The following C10orf71 variants were observed in gnomAD, a reference collection of about 807,000 sequenced individuals.
C10orf71 encodes chromosome 10 open reading frame 71, also known as cardiac-enriched FHL2-interacting protein.
For synonymous variants in C10orf71, 758 were observed against 726.3 expected, an observed-to-expected ratio of 1.04 and a Z score of -0.70; for missense variants, 1,869 against 1,804.5, an observed-to-expected ratio of 1.04 and a Z score of -0.65.
intron 1 of C10orf71, among the ~76,000 whole-genome samples, chr10:49,300,327 A>G (rs7917738): frequency 0.57 from 86,612 of 151,920 alleles, 25,097 homozygotes; most frequent in East Asian, 0.79. Flanking sequence ...TATTGTCTAA[A>G]GCTGCTTCTA....
At chr10:49,309,446 A>G (rs1848873425) in intron 1 of C10orf71, among the ~76,000 whole-genome samples, 1 of 152,212 alleles carries the variant, frequency 6.6e-6, no homozygotes, top group South Asian at 2.1e-4. Flanking sequence ...ACCAGAAACC[A>G]GATCTGCCAG....
In C10orf71 at chr10:49,326,654, C is replaced by T. The variant is rs372309995; in HGVS notation, c.4109C>T (p.Ala1370Val). Residue 1370 changes from alanine to valine, a missense_variant, in exon 3 of 3, where the codon GCC (alanine) becomes GTC (valine). Coordinates refer to ENST00000374144, the MANE Select transcript of C10orf71 (RefSeq NM_001135196.2). ...AGGCAGGGCCCTCGTGCCTCCGCGG[C>T]CCGCGCCAGGACCCAGAGTGTCCAC... ...FLRQGPRASA[A>V]RARTQSVHES... 4.4e-4 allele frequency: 687 copies of T among 1,550,356 alleles called. 2 individuals carry two copies. The African/African-American group carries it at 6.8e-3, about 15-fold the overall frequency.
At chr10:49,314,374 T>C (rs922830322) in intron 1 of C10orf71, among the ~76,000 whole-genome samples, 3 of 152,220 alleles carry the variant, frequency 2.0e-5, no homozygotes, top group Admixed American at 2.0e-4. Context: ...CCATGTGCAC[T>C]GTATCCTCCT....
chr10:49,306,688 C>A (rs1168384533), intron 1 of C10orf71, among the ~76,000 whole-genome samples: 2 of 152,196 alleles, frequency 1.3e-5, no homozygotes, highest in Non-Finnish European at 2.9e-5. Context: ...AGCACCTGTG[C>A]CAGGTGCATG....
upstream of C10orf71, among the ~76,000 whole-genome samples, chr10:49,297,339 G>T (rs1256507642): frequency 6.6e-6 from 1 of 152,204 alleles, no homozygotes; most frequent in Admixed American, 6.5e-5. Flanking sequence ...GATGACATAT[G>T]AACTGACTGT....
At chr10:49,297,331 T>C (rs1199882656), upstream of C10orf71, among the ~76,000 whole-genome samples, 1 of 152,204 alleles carries the variant, frequency 6.6e-6, no homozygotes, top group Non-Finnish European at 1.5e-5. Context: ...GTCAAACAGA[T>C]GACATATGAA....
At chr10:49,313,306 G>A (rs978618831) in intron 1 of C10orf71, among the ~76,000 whole-genome samples, 2 of 152,182 alleles carry the variant, frequency 1.3e-5, no homozygotes, top group African/African-American at 2.4e-5. Context: ...CAGGCAGAGG[G>A]AACACCATGA....
At position 49,323,930 on chromosome 10, in the gene C10orf71, G is replaced by A; in HGVS notation, c.1385G>A (p.Ser462Asn). Reference protein sequence around the residue: ...PSKHALDSADSQPAERTPSPP... With the variant: ...PSKHALDSADNQPAERTPSPP... ...AAGCACGCCCTGGATTCAGCAGACAGCCAGCCAGCAGAGCGAACCCCATCA... is the reference window on the plus strand; with the variant it reads ...AAGCACGCCCTGGATTCAGCAGACAACCAGCCAGCAGAGCGAACCCCATCA... The change falls in exon 3 of 3, where the codon AGC (serine) becomes AAC (asparagine). Residue 462 changes from serine (S) to asparagine (N), a missense_variant. Transcript: ENST00000374144. 6.2e-7 allele frequency: 1 copy of A among 1,613,498 alleles called. No homozygotes were observed. Among genetic ancestry groups the A allele is most frequent in the Non-Finnish European group, 8.5e-7 (1 of 1,179,602 alleles).
In C10orf71 at chr10:49,326,075, C is replaced by G; in HGVS notation, c.3530C>G (p.Thr1177Arg). Residue 1177 changes from threonine (T) to arginine (R), a missense_variant, in exon 3 of 3, where the codon ACA becomes AGA. Physicochemically the swap from Thr to Arg is moderately conservative, Grantham distance 71 (BLOSUM62 -1). Coordinates refer to ENST00000374144, the MANE Select transcript of C10orf71 (RefSeq NM_001135196.2). ...AAGCCACCTGCAGTCCCACCCAAAA[C>G]AGAGAAAGCCCTGCGGCGGGCAAAG... The part of the protein sequence containing the change: ...ASKPPAVPPK[T>R]EKALRRAKKL... 2 of 1,551,736 alleles carry G rather than the reference C, an allele frequency of 1.3e-6. No homozygotes were observed. The highest frequency in any genetic ancestry group is 1.7e-6 in the Non-Finnish European group (2 of 1,146,998).
At chr10:49,307,985 G>A (rs1303661816) in intron 1 of C10orf71, among the ~76,000 whole-genome samples, 1 of 152,164 alleles carries the variant, frequency 6.6e-6, no homozygotes, top group Non-Finnish European at 1.5e-5. Flanking sequence ...GCACAGCCCT[G>A]GGTCTGAGCA....
upstream of C10orf71, among the ~76,000 whole-genome samples, chr10:49,297,477 T>C (rs1848657281): frequency 6.6e-6 from 1 of 152,250 alleles, no homozygotes; most frequent in African/African-American, 2.4e-5. Flanking sequence ...ATTTAAATTT[T>C]CTTTAAAGGA....
chr10:49,316,586 C>T (rs989243655), intron 2 of C10orf71, among the ~76,000 whole-genome samples: 16 of 152,160 alleles, frequency 1.1e-4, no homozygotes, highest in African/African-American at 3.6e-4. Flanking sequence ...AGAAACTCAA[C>T]AAATGAGGCA....
chr10:49,298,799 G>C (rs983110821), upstream of C10orf71: 4 of 152,156 alleles, frequency 2.6e-5, no homozygotes, highest in African/African-American at 9.7e-5. Flanking sequence ...AGCAGAGGAC[G>C]GCTCCTTACT....
rs749969036 is a variant in C10orf71, at chr10:49,323,654, C to A, written c.1109C>A (p.Pro370His). 7 of 1,609,002 alleles carry A rather than the reference C, an allele frequency of 4.4e-6. No homozygotes were observed. The highest frequency in any genetic ancestry group is 5.9e-6 in the Non-Finnish European group (7 of 1,178,600). Reference sequence around the variant, plus strand: ...GAAGGAAAAGCTCCCAGCTCACAACCTGATTCTCAAGAGAAGCCAGCCCAG... The same window carrying A: ...GAAGGAAAAGCTCCCAGCTCACAACATGATTCTCAAGAGAAGCCAGCCCAG... Reference protein sequence around the residue: ...AVEGKAPSSQPDSQEKPAQPP... With the variant: ...AVEGKAPSSQHDSQEKPAQPP... Residue 370 changes from proline (P) to histidine (H), a missense_variant, in exon 3 of 3, where the codon CCT becomes CAT. Coordinates refer to ENST00000374144, the MANE Select transcript of C10orf71 (RefSeq NM_001135196.2).
intron 1 of C10orf71, among the ~76,000 whole-genome samples, chr10:49,302,136 G>A (rs1848739464): frequency 6.6e-6 from 1 of 152,188 alleles, no homozygotes; most frequent in Non-Finnish European, 1.5e-5. Flanking sequence ...CAATTTGCTT[G>A]GGAAGCCTCT....
Position 49,323,368 on chromosome 10 carries a change from A to C in C10orf71, c.823A>C (p.Ser275Arg), listed in dbSNP as rs779754617. Reference sequence around the variant, plus strand: ...AGGTACCTTTCTGCACAGTGAAAATAGTGCTTTTGAGTCATGGAATGCCCA... The same window carrying C: ...AGGTACCTTTCTGCACAGTGAAAATCGTGCTTTTGAGTCATGGAATGCCCA... ...GKGTFLHSEN[S>R]AFESWNAHQP... Residue 275 changes from serine to arginine, a missense_variant, in exon 3 of 3, where the codon AGT becomes CGT. Ser to Arg is a moderately radical substitution (Grantham distance 110). Transcript: ENST00000374144. The C allele has an allele frequency of 3.1e-6, 5 of 1,613,992 alleles. No homozygotes were observed. The South Asian group carries it at 3.3e-5, about 11-fold the overall frequency.
At chr10:49,314,657 G>T (rs1269073918) in intron 1 of C10orf71, among the ~76,000 whole-genome samples, 1 of 152,160 alleles carries the variant, frequency 6.6e-6, no homozygotes, top group Non-Finnish European at 1.5e-5. Flanking sequence ...TCATCCATGT[G>T]TGGCACCAGA....
rs1296122315 is a variant in C10orf71, at chr10:49,323,837, T to C, written c.1292T>C (p.Val431Ala). Residue 431 changes from valine (V) to alanine (A), a missense_variant, in exon 3 of 3, where the codon GTG becomes GCG. Coordinates refer to ENST00000374144, the MANE Select transcript of C10orf71 (RefSeq NM_001135196.2). ...GAAAACAATGCTCTTGACCTGCCTG[T>C]GGAACCCAATGAACATTATGATCCC... Reference protein sequence around the residue: ...FSENNALDLPVEPNEHYDPPF... With the variant: ...FSENNALDLPAEPNEHYDPPF... The C allele has an allele frequency of 1.2e-6, 2 of 1,613,802 alleles. No individual in the cohort carries two copies. Among genetic ancestry groups the C allele is most frequent in the East Asian group, 2.2e-5 (1 of 44,892 alleles).
At position 49,326,457 on chromosome 10, in the gene C10orf71, G is replaced by C. The variant is rs752170407; in HGVS notation, c.3912G>C (p.Thr1304=). 8 of 1,550,102 alleles carry C rather than the reference G, an allele frequency of 5.2e-6. No individual in the cohort carries two copies. In the South Asian group the frequency reaches 9.5e-5, roughly 18 times the overall value. Residue 1304 remains threonine (T), a synonymous_variant, in exon 3 of 3, where the codon ACG becomes ACC. Transcript: ENST00000374144. ...TCAAGACCTTCTATGACCCAGAGAC[G>C]GGCAAGTATGTCAAGGTCTCCATCC... ...VKIKTFYDPE[T]GKYVKVSIPS...
Sources: allele counts gnomAD v4.1 joint callset (sites outside exome capture counted in the v4.1 genomes callset), GRCh38; gene constraint gnomAD v4.1.1; transcripts MANE v1.5; gene names NCBI Gene and HGNC (gene_info 2026-07-23, HGNC 2026-07-21).